FSD1L: variants seen among roughly 807,000 people sequenced by gnomAD.
The protein encoded by FSD1L is fibronectin type III and SPRY domain containing 1 like, also known as FSD1-like protein.
In FSD1L, 45 loss-of-function variants were observed where a neutral mutation model predicts 71.6. That is an observed-to-expected ratio of 0.63 (90% CI 0.49 to 0.81). The LOEUF is 0.81. Ranked by LOEUF, FSD1L falls within the 30% of genes least tolerant of loss-of-function variation. The pLI is 0.00. For missense variants in FSD1L, 561 were observed against 618.1 expected (o/e 0.91, Z 0.98); for synonymous variants, 197 against 207.2 (o/e 0.95, Z 0.42).
chr9:105,472,035 C>T, intron 5 of FSD1L, 30 bp downstream of exon 5: 1 of 1,412,552 alleles, frequency 7.1e-7, no homozygotes. Flanking sequence ...ATACACTTAA[C>T]AAGGGAAGTT....
At chr9:105,526,215 G>C in intron 10 of FSD1L, 1 of 1,597,694 alleles carries the variant, frequency 6.3e-7, no homozygotes, top group Non-Finnish European at 8.6e-7. Flanking sequence ...TGATTCCATT[G>C]TATCAAAACT....
chr9:105,491,802 T>G, intron 7 of FSD1L, among the ~76,000 whole-genome samples: 1 of 152,212 alleles, frequency 6.6e-6, no homozygotes, highest in East Asian at 1.9e-4. Context: ...GGATTACATT[T>G]ATTGATTTGC....
chr9:105,494,533 AT>A (rs1442898703), intron 7 of FSD1L, among the ~76,000 whole-genome samples: 1 of 152,038 alleles, frequency 6.6e-6, no homozygotes, highest in African/African-American at 2.4e-5. Context: ...GCTTTGCTCC[AT>A]TTCTGGTGAG....
chr9:105,545,428 C>G lies in FSD1L; in HGVS notation c.1468-930C>G, dbSNP rs7030953. On this transcript the variant is annotated intron_variant, in intron 13 of 13. Transcript: ENST00000481272. ...AATACCCTTTATTTCTTTCTCCTGC[C>G]TGATTGCTCTGGCCAGAACTTCCAA... is the stretch of plus-strand genomic sequence containing the variant. Among the ~76,000 whole-genome samples the G allele has an allele frequency of 2.1e-5, 3 of 144,910 alleles. 1 individual carries two copies. The highest frequency in any genetic ancestry group is 8.1e-5 in the African/African-American group (3 of 36,840).
chr9:105,489,675 T>G (rs969741823), intron 7 of FSD1L, among the ~76,000 whole-genome samples: 6 of 151,988 alleles, frequency 3.9e-5, no homozygotes, highest in Non-Finnish European at 8.8e-5. Context: ...CCCACAACAG[T>G]CCCCAGAGTG....
At chr9:105,464,030 A>G (rs1414875068) in intron 2 of FSD1L, among the ~76,000 whole-genome samples, 4 of 152,184 alleles carry the variant, frequency 2.6e-5, no homozygotes, top group Admixed American at 6.5e-5. Flanking sequence ...GCATATTAGG[A>G]ATAAGAGGGC....
chr9:105,516,805 A>C (rs146630226), intron 10 of FSD1L, among the ~76,000 whole-genome samples: 47 of 152,316 alleles, frequency 3.1e-4, no homozygotes, highest in East Asian at 2.7e-3. Context: ...CAAGGGAACA[A>C]ACCTGGATGG....
intron 10 of FSD1L, 117 bp downstream of exon 10, chr9:105,513,053 G>C: frequency 1.3e-6 from 1 of 778,168 alleles, no homozygotes; most frequent in Admixed American, 3.7e-5. Context: ...CAGTATATTA[G>C]TAGCACCAAA....
chr9:105,551,383 T>C lies in FSD1L; in HGVS notation c.*4900T>C, dbSNP rs1837255358. ...TGACCGCTACACAAATTGTTTATCA[T>C]CTTTGGGTCTCTATTGCCTTCTTTA... On this transcript the variant is annotated 3_prime_UTR_variant, in exon 14 of 14. Transcript: ENST00000481272. 1 of 152,052 alleles carries C rather than the reference T, an allele frequency of 6.6e-6. No individual in the cohort carries two copies. The highest frequency in any genetic ancestry group is 2.4e-5 in the African/African-American group (1 of 41,420). The allele number at this position is 152,052 out of a possible 1,614,324, so 9.4% of individuals were successfully genotyped here. A position where few individuals can be genotyped will look rare whatever the true frequency, so the allele number is the denominator to read the frequency against.
intron 10 of FSD1L, among the ~76,000 whole-genome samples, chr9:105,518,727 C>T (rs1834901575): frequency 6.6e-6 from 1 of 152,126 alleles, no homozygotes; most frequent in Non-Finnish European, 1.5e-5. Context: ...CTAAAATTGA[C>T]ATACTGACAT....
intron 5 of FSD1L, among the ~76,000 whole-genome samples, chr9:105,477,276 A>G (rs1831867537): frequency 6.6e-6 from 1 of 152,072 alleles, no homozygotes; most frequent in Non-Finnish European, 1.5e-5. Context: ...AAATAAGACA[A>G]AAAAAAACTG....
At chr9:105,466,162 A>T (rs1317695618) in intron 3 of FSD1L, among the ~76,000 whole-genome samples, 1 of 152,222 alleles carries the variant, frequency 6.6e-6, no homozygotes, top group Non-Finnish European at 1.5e-5. Context: ...GCATAAAAAA[A>T]TAGGAATAAA....
intron 7 of FSD1L, among the ~76,000 whole-genome samples, chr9:105,498,190 TTTATTATTA>T (rs61620098): frequency 0.13 from 18,640 of 143,372 alleles, 1,598 homozygotes; most frequent in East Asian, 0.47. Flanking sequence ...TTGCTTTGGC[TTTATTATTA>T]TTATTATTAT....
chr9:105,447,870 A>G (rs1829712020), upstream of FSD1L: 2 of 399,268 alleles, frequency 5.0e-6, no homozygotes, highest in East Asian at 5.6e-5. Context: ...AGAGACCGCT[A>G]TCGCTGGAGG....
At chr9:105,454,625 C>A (rs2131578474) in intron 1 of FSD1L, among the ~76,000 whole-genome samples, 1 of 152,344 alleles carries the variant, frequency 6.6e-6, no homozygotes, top group African/African-American at 2.4e-5. Flanking sequence ...CTTTGGCCGA[C>A]TATGAGCCTC....
At chr9:105,475,775 C>G (rs1162590793) in intron 5 of FSD1L, among the ~76,000 whole-genome samples, 1 of 152,170 alleles carries the variant, frequency 6.6e-6, no homozygotes, top group Non-Finnish European at 1.5e-5. Flanking sequence ...AAGTGTATTT[C>G]AAGTTATTCA....
chr9:105,483,216 T>C (rs1439828548), intron 6 of FSD1L, among the ~76,000 whole-genome samples: 1 of 152,224 alleles, frequency 6.6e-6, no homozygotes, highest in Non-Finnish European at 1.5e-5. Context: ...AACTGTTGTT[T>C]ACTCATTGTT....
At chr9:105,542,277 TTTG>T (rs1836674828) in intron 13 of FSD1L, among the ~76,000 whole-genome samples, 1 of 152,192 alleles carries the variant, frequency 6.6e-6, no homozygotes, top group Non-Finnish European at 1.5e-5. Flanking sequence ...TACCAGATTT[TTTG>T]TTGTTGTTAA....
At chr9:105,495,205 C>A (rs967628688) in intron 7 of FSD1L, among the ~76,000 whole-genome samples, 2 of 152,202 alleles carry the variant, frequency 1.3e-5, no homozygotes, top group African/African-American at 4.8e-5. Context: ...TGGGCAATGG[C>A]GGGTGCCCCT....
Sources: allele counts gnomAD v4.1 joint callset (sites outside exome capture counted in the v4.1 genomes callset), GRCh38; gene constraint gnomAD v4.1.1; transcripts MANE v1.5; gene names NCBI Gene and HGNC (gene_info 2026-07-23, HGNC 2026-07-21).